FANCB: variants seen among roughly 807,000 people sequenced by gnomAD.
The protein encoded by FANCB is Fanconi anemia group B protein.
In FANCB, 5 loss-of-function variants were observed where a neutral mutation model predicts 38.9. The observed-to-expected ratio is 0.13, with a 90% confidence interval of 0.07 to 0.27. The LOEUF (loss-of-function observed/expected upper bound fraction) is 0.27. Among genes scored for constraint, FANCB ranks in the 10% least tolerant of loss-of-function variants. The pLI is 1.00. For synonymous variants in FANCB, 236 were observed against 215.4 expected (o/e 1.10, Z -0.84); for missense variants, 573 against 602.7 (o/e 0.95, Z 0.52).
At chrX:14,783,716 A>G in the FANCB span, among the ~76,000 whole-genome samples, 1 of 112,410 alleles carries the variant, frequency 8.9e-6, no homozygotes, top group Non-Finnish European at 1.9e-5. Flanking sequence ...ACAATAAAAC[A>G]ACACATATTT....
intron 3 of FANCB, among the ~76,000 whole-genome samples, chrX:14,863,881 T>A (rs920109483): frequency 8.9e-6 from 1 of 112,224 alleles, no homozygotes; most frequent in African/African-American, 3.2e-5. Flanking sequence ...ACGCCTGTAA[T>A]CCCAGCACTT....
the FANCB span, among the ~76,000 whole-genome samples, chrX:14,799,770 C>T: frequency 8.9e-6 from 1 of 111,947 alleles, no homozygotes; most frequent in Admixed American, 9.5e-5. Context: ...TCTGATAAGA[C>T]CTCAGACAGA....
chrX:14,739,672 G>A, the FANCB span, among the ~76,000 whole-genome samples: 1 of 111,727 alleles, frequency 9.0e-6, no homozygotes, highest in Admixed American at 9.6e-5. Context: ...TTGAAAAAAA[G>A]ACCAACAAAA....
At chrX:14,776,587 T>C in the FANCB span, among the ~76,000 whole-genome samples, 4 of 112,479 alleles carry the variant, frequency 3.6e-5, no homozygotes, top group African/African-American at 1.3e-4. Context: ...CTGGCTGAGA[T>C]GGCCCTAGGC....
chrX:14,858,449 T>C lies in FANCB; in HGVS notation c.1105-495A>G, dbSNP rs113029305. On this transcript the variant is annotated intron_variant, in intron 4 of 9. Coordinates refer to ENST00000650831, the MANE Select transcript of FANCB (RefSeq NM_001018113.3). ...ACTATATATTTTCCCCATCATCTTC[T>C]TGTAACTAGAAAAAAATTATTATGA... Among the ~76,000 whole-genome samples, 865 of 111,364 alleles carry C rather than the reference T, an allele frequency of 7.8e-3. 12 individuals are homozygous for C. The highest frequency in any genetic ancestry group is 0.026 in the African/African-American group (797 of 30,737).
chrX:14,808,923 A>T, the FANCB span, among the ~76,000 whole-genome samples: 1 of 112,480 alleles, frequency 8.9e-6, no homozygotes, highest in Non-Finnish European at 1.9e-5. Context: ...ACAGTGAACA[A>T]TCTGAAAAAG....
the FANCB span, among the ~76,000 whole-genome samples, chrX:14,709,368 C>T: frequency 8.9e-6 from 1 of 112,054 alleles, no homozygotes; most frequent in African/African-American, 3.2e-5. Flanking sequence ...GCATTATTTT[C>T]CCATAGTGAC....
At chrX:14,855,160 G>A (rs2092418385) in intron 5 of FANCB, among the ~76,000 whole-genome samples, 1 of 111,879 alleles carries the variant, frequency 8.9e-6, no homozygotes, top group African/African-American at 3.2e-5. Context: ...CTGTGTACAT[G>A]TGTACAAGAT....
chrX:14,755,577 G>A, the FANCB span, among the ~76,000 whole-genome samples: 6 of 111,000 alleles, frequency 5.4e-5, no homozygotes, highest in African/African-American at 1.6e-4. Flanking sequence ...AGATACATGG[G>A]AATAAATTTC....
the FANCB span, among the ~76,000 whole-genome samples, chrX:14,708,766 G>A: frequency 3.6e-5 from 4 of 111,439 alleles, no homozygotes; most frequent in Admixed American, 9.5e-5. Context: ...GAGAAACCCC[G>A]TCTCTACTAA....
chrX:14,858,561 A>C (rs113813173), intron 4 of FANCB, among the ~76,000 whole-genome samples: 3,932 of 111,400 alleles, frequency 0.035, 139 homozygotes, highest in African/African-American at 0.11. Context: ...ACATTTTTCC[A>C]TTTATTTATT....
At position 14,853,153 on chromosome X, in the gene FANCB, A is replaced by C; in HGVS notation, c.1212T>G (p.Ser404=). The C allele has an allele frequency of 8.3e-7, 1 of 1,208,154 alleles. No homozygotes were observed. The highest frequency in any genetic ancestry group is 2.3e-4 in the Middle Eastern group (1 of 4,267). The change falls in exon 6 of 10, where the codon TCT becomes TCG. Residue 404 remains serine, a synonymous_variant. Coordinates refer to ENST00000650831, the MANE Select transcript of FANCB (RefSeq NM_001018113.3). ...ACAGATGCTGCCGTAATTCCCGAAA[A>C]GAAGAAAAACAAACCTGTAAAGTAG... ...LETGLKVCFS[S]FRELRQHLLL...
chrX:14,822,313 T>C, the FANCB span, among the ~76,000 whole-genome samples: 10 of 110,153 alleles, frequency 9.1e-5, no homozygotes, highest in African/African-American at 3.3e-4. Flanking sequence ...GATCCTCCAC[T>C]GATGCCATGG....
chrX:14,863,261 G>A (rs945114676), intron 3 of FANCB, among the ~76,000 whole-genome samples: 2 of 112,031 alleles, frequency 1.8e-5, no homozygotes, highest in Admixed American at 1.9e-4. Context: ...TCCACATAGA[G>A]GTGATAATAT....
the FANCB span, among the ~76,000 whole-genome samples, chrX:14,820,640 T>C: frequency 1.8e-5 from 2 of 111,822 alleles, no homozygotes; most frequent in African/African-American, 3.2e-5. Context: ...GTAGTGGCAA[T>C]AAATAATTTT....
chrX:14,741,360 T>G, the FANCB span, among the ~76,000 whole-genome samples: 1 of 111,805 alleles, frequency 8.9e-6, no homozygotes, highest in Non-Finnish European at 1.9e-5. Context: ...CACTGTAGTT[T>G]CAATGACTTT....
At chrX:14,840,391 A>C (rs2092352026), downstream of FANCB, among the ~76,000 whole-genome samples, 1 of 111,217 alleles carries the variant, frequency 9.0e-6, no homozygotes, top group Non-Finnish European at 1.9e-5. Context: ...GATTAGACCC[A>C]ATTTAGGTCT....
At chrX:14,709,532 T>C in the FANCB span, among the ~76,000 whole-genome samples, 1 of 112,060 alleles carries the variant, frequency 8.9e-6, no homozygotes, top group Admixed American at 9.4e-5. Flanking sequence ...AAACAAACTC[T>C]CATTTTATCC....
At chrX:14,838,392 C>T (rs937539976) in intron 10 of FANCB, among the ~76,000 whole-genome samples, 9 of 111,799 alleles carry the variant, frequency 8.1e-5, no homozygotes, top group Admixed American at 7.6e-4. Flanking sequence ...ATCCACCATT[C>T]CTGGGCATAA....
Sources: gnomAD v4.1 joint callset for allele counts (sites outside exome capture counted in the v4.1 genomes callset) on GRCh38, gnomAD v4.1.1 for gene constraint, MANE v1.5 for transcripts, NCBI Gene and HGNC (gene_info 2026-07-23, HGNC 2026-07-21) for gene names.